Variants in GLIS3 observed in about 807,000 individuals in gnomAD.
GLIS3 encodes GLIS family zinc finger 3.
Under a neutral mutation model 78.6 loss-of-function variants are expected in GLIS3, and 53 were observed. The ratio of observed to expected loss-of-function variants is 0.67; its 90% confidence interval spans 0.54 to 0.85. The LOEUF (loss-of-function observed/expected upper bound fraction) is 0.85. Among genes scored for constraint, GLIS3 ranks in the 40% least tolerant of loss-of-function variants. The pLI is 0.00. For missense variants in GLIS3, 1,703 were observed against 1,231.1 expected (o/e 1.38, Z -5.74); for synonymous variants, 684 against 509.9 (o/e 1.34, Z -4.60).
At chr9:4,391,243 G>C in the GLIS3 span, among the ~76,000 whole-genome samples, 1 of 152,146 alleles carries the variant, frequency 6.6e-6, no homozygotes, top group African/African-American at 2.4e-5. Context: ...GGGACATGGG[G>C]GGTACCTCAC....
intron 2 of GLIS3, among the ~76,000 whole-genome samples, chr9:4,269,882 T>G (rs1826350101): frequency 6.6e-6 from 1 of 152,116 alleles, no homozygotes; most frequent in South Asian, 2.1e-4. Context: ...GGGTAGAAAG[T>G]GAAACCTGGA....
At chr9:3,901,674 T>G (rs918637674) in intron 6 of GLIS3, among the ~76,000 whole-genome samples, 13 of 152,240 alleles carry the variant, frequency 8.5e-5, no homozygotes, top group African/African-American at 2.9e-4. Context: ...AGTGGCACAG[T>G]GACCCTAAAT....
chr9:4,236,092 A>C (rs1003668195), intron 2 of GLIS3, among the ~76,000 whole-genome samples: 3 of 145,026 alleles, frequency 2.1e-5, no homozygotes, highest in African/African-American at 7.6e-5. Flanking sequence ...GAGACAAATG[A>C]TCCTTGCCGA....
intron 3 of GLIS3, among the ~76,000 whole-genome samples, chr9:4,309,412 G>T (rs543379788): frequency 6.6e-6 from 1 of 152,130 alleles, no homozygotes; most frequent in Non-Finnish European, 1.5e-5. Context: ...TGGTTGGGGC[G>T]GGGGGAGCAC....
chr9:4,381,072 C>G, the GLIS3 span, among the ~76,000 whole-genome samples: 662 of 152,232 alleles, frequency 4.3e-3, 2 homozygotes, highest in Admixed American at 8.7e-3. Context: ...TCAGTAGTCA[C>G]TGGTCAGAGG....
the GLIS3 span, among the ~76,000 whole-genome samples, chr9:4,374,404 A>T: frequency 6.6e-6 from 1 of 152,192 alleles, no homozygotes; most frequent in Non-Finnish European, 1.5e-5. Flanking sequence ...CTTCCACCTT[A>T]TAGCATATTT....
Position 3,937,098 on chromosome 9 carries a change from T to A in GLIS3, c.1802A>T (p.His601Leu), listed in dbSNP as rs1352167063. 1.1e-5 allele frequency: 18 copies of A among 1,613,904 alleles called. No homozygotes were observed. The highest frequency in any genetic ancestry group is 8.5e-7 in the Non-Finnish European group (1 of 1,180,042). The change falls in exon 5 of 11, where the codon CAT (histidine) becomes CTT (leucine). Residue 601 changes from histidine to leucine, a missense_variant. His to Leu is a moderately conservative substitution (Grantham distance 99). Coordinates refer to ENST00000381971, the MANE Select transcript of GLIS3 (RefSeq NM_001042413.2). ...HTGEKPYLCQ[H>L]PGCQKAFSNS... ...ACTGAAGGCCTTCTGACAACCCGGA[T>A]GCTGGCACAAATACGGCTTCTCGCC...
chr9:3,829,212 T>G, intron 10 of GLIS3, 98 bp downstream of exon 10: 3 of 989,352 alleles, frequency 3.0e-6, no homozygotes, highest in Non-Finnish European at 3.2e-6. Context: ...GATGCGGTCA[T>G]GTGCTTGGTC....
At chr9:4,009,304 T>C (rs925813619) in intron 4 of GLIS3, among the ~76,000 whole-genome samples, 2 of 152,146 alleles carry the variant, frequency 1.3e-5, no homozygotes, top group African/African-American at 4.8e-5. Context: ...AGGTGGTTCA[T>C]GCTTATTGTT....
chr9:4,224,039 C>T (rs1475401534), intron 2 of GLIS3, among the ~76,000 whole-genome samples: 1 of 151,284 alleles, frequency 6.6e-6, no homozygotes, highest in Non-Finnish European at 1.5e-5. Context: ...CTGCTAAACT[C>T]ACAATTAGAA....
chr9:4,286,657 G>T, intron 1 of GLIS3, 134 bp from the exon 2 acceptor site: 1 of 583,956 alleles, frequency 1.7e-6, no homozygotes. Flanking sequence ...ATGTAGAAAA[G>T]GGTCCTCAAA....
the GLIS3 span, among the ~76,000 whole-genome samples, chr9:4,432,555 G>A: frequency 6.6e-6 from 1 of 151,938 alleles, no homozygotes; most frequent in Non-Finnish European, 1.5e-5. Flanking sequence ...TAAATTTGGT[G>A]AGAAGTATAT....
chr9:4,060,045 A>G (rs889922766), intron 4 of GLIS3, among the ~76,000 whole-genome samples: 1 of 151,976 alleles, frequency 6.6e-6, no homozygotes, highest in African/African-American at 2.4e-5. Flanking sequence ...TCCTCCTGGA[A>G]CCCAAGGTTC....
chr9:4,365,873 C>A, the GLIS3 span, among the ~76,000 whole-genome samples: 4 of 152,356 alleles, frequency 2.6e-5, no homozygotes, highest in Admixed American at 6.5e-5. Context: ...CACCCCTCCA[C>A]CCCAAAGGGT....
At chr9:4,069,799 C>G (rs1290012621) in intron 4 of GLIS3, among the ~76,000 whole-genome samples, 1 of 152,036 alleles carries the variant, frequency 6.6e-6, no homozygotes, top group Non-Finnish European at 1.5e-5. Context: ...ATTTGGGAAT[C>G]ATTCTAAAAT....
At chr9:4,414,482 G>T in the GLIS3 span, among the ~76,000 whole-genome samples, 1 of 152,118 alleles carries the variant, frequency 6.6e-6, no homozygotes, top group East Asian at 1.9e-4. Context: ...CAGTGATATT[G>T]GGGTGGTCAA....
the GLIS3 span, among the ~76,000 whole-genome samples, chr9:4,446,512 T>C: frequency 6.8e-6 from 1 of 147,638 alleles, no homozygotes; most frequent in East Asian, 2.0e-4. Context: ...AAATTTTTTT[T>C]TTTTTTTTTT....
At chr9:4,197,439 T>C (rs145273118) in intron 2 of GLIS3, among the ~76,000 whole-genome samples, 6 of 152,268 alleles carry the variant, frequency 3.9e-5, no homozygotes, top group African/African-American at 1.4e-4. Context: ...TCTCCTGGAT[T>C]AGGAGTTTAG....
chr9:4,361,685 C>G, the GLIS3 span, among the ~76,000 whole-genome samples: 4 of 152,314 alleles, frequency 2.6e-5, no homozygotes, highest in East Asian at 3.9e-4. Flanking sequence ...GTGATTTGAC[C>G]TTGCTCTGAC....
Sources: allele counts gnomAD v4.1 joint callset (sites outside exome capture counted in the v4.1 genomes callset), GRCh38; gene constraint gnomAD v4.1.1; transcripts MANE v1.5; gene names NCBI Gene and HGNC (gene_info 2026-07-23, HGNC 2026-07-21).